Variants in DNAAF9 observed in about 807,000 individuals in gnomAD.
The protein encoded by DNAAF9 is shulin.
In DNAAF9, 90 loss-of-function variants were observed where a neutral mutation model predicts 167.0. The observed-to-expected ratio is 0.54, with a 90% CI of 0.45 to 0.64. The LOEUF (loss-of-function observed/expected upper bound fraction) is 0.64, where lower values mean the gene tolerates loss of function less well. DNAAF9 is among the 30% of genes least tolerant of loss of function. The pLI, the probability that DNAAF9 is intolerant of heterozygous loss-of-function variation, is 0.00. For missense variants in DNAAF9, 1,315 were observed against 1,442.2 expected (o/e 0.91, Z 1.43); for synonymous variants, 491 against 508.8 (o/e 0.96, Z 0.47).
Position 3,321,870 on chromosome 20 carries a change from C to T in DNAAF9, c.1356+347G>A, listed in dbSNP as rs1838698914. Among the ~76,000 whole-genome samples, 3 of 152,214 alleles carry T rather than the reference C, an allele frequency of 2.0e-5. No individual in the cohort carries two copies. The South Asian group carries it at 6.2e-4, about 32-fold the overall frequency. On this transcript the variant is annotated intron_variant, in intron 16 of 36. Transcript: ENST00000252032. ...CCACTGAAAAACTTAGTCTGTTAGT[C>T]AAGGCAAGCTTGTCCTGGATTCACA...
intron 31 of DNAAF9, 38 bp downstream of exon 31, chr20:3,264,400 C>CA (rs760039875): frequency 2.2e-6 from 2 of 896,486 alleles, no homozygotes; most frequent in East Asian, 2.4e-5. Flanking sequence ...ATTGGGTTTA[C>CA]AAAAAAATCT....
intron 16 of DNAAF9, among the ~76,000 whole-genome samples, chr20:3,319,973 C>T (rs1250828579): frequency 2.0e-5 from 3 of 152,172 alleles, no homozygotes; most frequent in Non-Finnish European, 4.4e-5. Flanking sequence ...CTTTGGTTCC[C>T]AGACCAATCA....
intron 20 of DNAAF9, among the ~76,000 whole-genome samples, chr20:3,314,055 C>T (rs1173784193): frequency 2.0e-5 from 3 of 152,164 alleles, no homozygotes; most frequent in African/African-American, 7.2e-5. Context: ...GCCAGTCCCA[C>T]CTTGCATGTT....
chr20:3,268,920 T>TTTTTTTC (rs1568568208), intron 30 of DNAAF9, among the ~76,000 whole-genome samples: 1 of 126,880 alleles, frequency 7.9e-6, no homozygotes, highest in East Asian at 2.3e-4. Flanking sequence ...TTTTTTTTTT[T>TTTTTTTC]TGAGACAGAG....
At chr20:3,295,992 C>G (rs2069069363) in intron 23 of DNAAF9, 1 of 1,514,552 alleles carries the variant, frequency 6.6e-7, no homozygotes, top group Non-Finnish European at 9.2e-7. Context: ...TTGGGAGGCA[C>G]CATGTTGTAC....
intron 1 of DNAAF9, chr20:3,384,346 G>A (rs1295550828): frequency 6.6e-6 from 1 of 152,200 alleles, no homozygotes; most frequent in Non-Finnish European, 1.5e-5. Context: ...CATAAAGCTG[G>A]TTTTTGATGT....
chr20:3,310,807 C>G (rs189965657), intron 20 of DNAAF9, among the ~76,000 whole-genome samples: 2 of 151,956 alleles, frequency 1.3e-5, no homozygotes, highest in East Asian at 3.8e-4. Flanking sequence ...TAAATAAAGA[C>G]GGTTCACTAA....
chr20:3,324,743 C>CT, intron 14 of DNAAF9, 149 bp downstream of exon 14: 1 of 618,034 alleles, frequency 1.6e-6, no homozygotes, highest in East Asian at 2.7e-5. Context: ...TAAGTGAAGG[C>CT]TGAATCATGA....
chr20:3,384,104 G>C (rs904105909), intron 1 of DNAAF9: 3 of 152,120 alleles, frequency 2.0e-5, no homozygotes, highest in African/African-American at 7.2e-5. Context: ...TGCCCTGCTG[G>C]ATTCTTTTTG....
At chr20:3,401,997 A>G (rs1405639645) in intron 1 of DNAAF9, among the ~76,000 whole-genome samples, 4 of 152,218 alleles carry the variant, frequency 2.6e-5, no homozygotes, top group Non-Finnish European at 4.4e-5. Context: ...GCTTCTTCAT[A>G]AAACGGGCAT....
chr20:3,258,281 T>G (rs2068318229), intron 33 of DNAAF9, among the ~76,000 whole-genome samples: 1 of 152,158 alleles, frequency 6.6e-6, no homozygotes, highest in Admixed American at 6.5e-5. Context: ...TTAGTGGGCT[T>G]GGGTGTGGGG....
At chr20:3,289,303 G>A (rs1022569705) in intron 26 of DNAAF9, among the ~76,000 whole-genome samples, 2 of 152,116 alleles carry the variant, frequency 1.3e-5, no homozygotes, top group Non-Finnish European at 2.9e-5. Context: ...AATTAGTTAG[G>A]TGTGATGGTG....
At chr20:3,316,134 G>GT in intron 18 of DNAAF9, 1 of 314,462 alleles carries the variant, frequency 3.2e-6, no homozygotes, top group Non-Finnish European at 5.9e-6. Flanking sequence ...ATTTAAACAC[G>GT]TTTAGGTTAG....
At chr20:3,370,236 A>AGTTT (rs1321719905) in intron 6 of DNAAF9, among the ~76,000 whole-genome samples, 1 of 152,080 alleles carries the variant, frequency 6.6e-6, no homozygotes, top group Non-Finnish European at 1.5e-5. Flanking sequence ...CTTGCCTTTC[A>AGTTT]GTTTATTTAT....
chr20:3,285,391 G>A (rs2068833385), intron 27 of DNAAF9, among the ~76,000 whole-genome samples: 1 of 151,694 alleles, frequency 6.6e-6, no homozygotes, highest in Admixed American at 6.6e-5. Context: ...AAAAACAAAG[G>A]CCAGGAACTG....
At chr20:3,399,878 T>A (rs1054316594) in intron 1 of DNAAF9, among the ~76,000 whole-genome samples, 32 of 152,212 alleles carry the variant, frequency 2.1e-4, no homozygotes, top group African/African-American at 7.5e-4. Flanking sequence ...CTGTTAAGCA[T>A]CTCGCCAGCT....
chr20:3,271,425 C>G (rs995174554), intron 29 of DNAAF9, among the ~76,000 whole-genome samples: 1 of 152,060 alleles, frequency 6.6e-6, no homozygotes, highest in African/African-American at 2.4e-5. Context: ...TCACTCCCAA[C>G]CTTTTGGTGA....
intron 1 of DNAAF9, among the ~76,000 whole-genome samples, chr20:3,405,474 T>C (rs1481611210): frequency 6.6e-6 from 1 of 152,190 alleles, no homozygotes; most frequent in African/African-American, 2.4e-5. Context: ...TTCAATCATG[T>C]AGAAGTGGGG....
chr20:3,366,773 A>G (rs1338803232), intron 6 of DNAAF9, among the ~76,000 whole-genome samples: 2 of 151,764 alleles, frequency 1.3e-5, no homozygotes, highest in Non-Finnish European at 2.9e-5. Flanking sequence ...AAAAATAAAA[A>G]AGTTAGCTGG....
Sources: allele counts gnomAD v4.1 joint callset (sites outside exome capture counted in the v4.1 genomes callset), GRCh38; gene constraint gnomAD v4.1.1; transcripts MANE v1.5; gene names NCBI Gene and HGNC (gene_info 2026-07-23, HGNC 2026-07-21).